Variants in STRN3 observed in about 807,000 individuals in gnomAD.
STRN3 encodes striatin-3.
STRN3 carries 29 observed loss-of-function variants against 95.6 expected under a neutral mutation model. The observed-to-expected ratio is 0.30, with a 90% CI of 0.23 to 0.41. STRN3 has a LOEUF of 0.41. STRN3 is among the 10% of genes least tolerant of loss of function. The pLI is 1.00. For synonymous variants in STRN3, 331 were observed against 357.6 expected, an observed-to-expected ratio of 0.93 and a Z score of 0.84; for missense variants, 890 against 972.1, an observed-to-expected ratio of 0.92 and a Z score of 1.12.
chr14:30,976,917 C>A (rs1881132524), intron 1 of STRN3, among the ~76,000 whole-genome samples: 2 of 152,080 alleles, frequency 1.3e-5, no homozygotes, highest in South Asian at 4.1e-4. Context: ...TGGTGAAACC[C>A]CATCTCTACT....
At chr14:30,999,251 T>C (rs1351404714) in intron 1 of STRN3, among the ~76,000 whole-genome samples, 1 of 152,150 alleles carries the variant, frequency 6.6e-6, no homozygotes, top group African/African-American at 2.4e-5. Flanking sequence ...TCTCACTATG[T>C]TGCTCAGGTT....
chr14:31,021,587 G>C (rs1334306330), intron 1 of STRN3, among the ~76,000 whole-genome samples: 3 of 152,084 alleles, frequency 2.0e-5, no homozygotes, highest in Non-Finnish European at 2.9e-5. Context: ...ACATAAAATA[G>C]AACCAGAACC....
chr14:30,950,589 G>A (rs1879589120), intron 4 of STRN3, among the ~76,000 whole-genome samples: 1 of 152,130 alleles, frequency 6.6e-6, no homozygotes, highest in Non-Finnish European at 1.5e-5. Flanking sequence ...AAGGAATGGA[G>A]GGCTCTATCA....
Position 30,936,576 on chromosome 14 carries a change from A to G in STRN3, c.765T>C (p.Asp255=). ...LETFNFLENA[D]DSDEDEENDM... is the part of the protein sequence containing the mutation. ...CATTTTCCTCATCTTCATCACTGTC[A>G]TCGGCATTTTCTAAGAAATTGAACG... The change falls in exon 6 of 18, where the codon GAT becomes GAC. Residue 255 remains aspartate (D), a synonymous_variant. Coordinates refer to ENST00000357479, the MANE Select transcript of STRN3 (RefSeq NM_001083893.2). 1 of 1,613,816 alleles carries G rather than the reference A, an allele frequency of 6.2e-7. No individual in the cohort carries two copies. The highest frequency in any genetic ancestry group is 1.1e-5 in the South Asian group (1 of 91,068).
rs766698200 is a variant in STRN3 at position 30,912,185 on chromosome 14, A to G, written c.1375-3T>C. On this transcript the variant is annotated splice_region_variant and splice_polypyrimidine_tract_variant and intron_variant, in intron 10 of 17. Coordinates refer to ENST00000357479, the MANE Select transcript of STRN3 (RefSeq NM_001083893.2). Reference sequence around the variant, plus strand: ...AAGGCATCTTTATTAGCAGGCAACTAAAAGGAAAGAGCACAATATTTAGTG... The same window carrying G: ...AAGGCATCTTTATTAGCAGGCAACTGAAAGGAAAGAGCACAATATTTAGTG... 6.2e-7 allele frequency: 1 copy of G among 1,610,688 alleles called. No individual in the cohort carries two copies. The highest frequency in any genetic ancestry group is 2.2e-5 in the East Asian group (1 of 44,854).
At chr14:30,919,482 A>G (rs146166724) in intron 8 of STRN3, among the ~76,000 whole-genome samples, 78 of 152,168 alleles carry the variant, frequency 5.1e-4, no homozygotes, top group Non-Finnish European at 1.0e-3. Context: ...TAAGGTTAAC[A>G]TTTACCAGTG....
chr14:31,008,988 G>C (rs1399675777), intron 1 of STRN3, among the ~76,000 whole-genome samples: 1 of 151,678 alleles, frequency 6.6e-6, no homozygotes. Context: ...GCAATGAGCC[G>C]TGATTGTACC....
At chr14:31,009,005 C>A (rs1882842839) in intron 1 of STRN3, among the ~76,000 whole-genome samples, 1 of 151,740 alleles carries the variant, frequency 6.6e-6, no homozygotes, top group South Asian at 2.1e-4. Flanking sequence ...TACCACTGCA[C>A]TCCAGCCTGG....
At chr14:31,008,725 C>T (rs758913374) in intron 1 of STRN3, among the ~76,000 whole-genome samples, 9 of 151,974 alleles carry the variant, frequency 5.9e-5, no homozygotes, top group Non-Finnish European at 1.0e-4. Context: ...GTAGTATTTG[C>T]GTACATATTC....
intron 5 of STRN3, among the ~76,000 whole-genome samples, chr14:30,942,680 C>A (rs984364148): frequency 1.3e-5 from 2 of 152,094 alleles, no homozygotes; most frequent in African/African-American, 4.8e-5. Flanking sequence ...AAAGTAGATG[C>A]TTTGTGATAT....
intron 1 of STRN3, chr14:31,025,682 C>T (rs540507486): frequency 8.6e-6 from 6 of 699,636 alleles, no homozygotes; most frequent in African/African-American, 7.4e-5. Flanking sequence ...CGAGGAGGCC[C>T]GCACCGCGTA....
intron 5 of STRN3, among the ~76,000 whole-genome samples, chr14:30,946,117 T>C (rs183636666): frequency 6.6e-6 from 1 of 152,222 alleles, no homozygotes; most frequent in East Asian, 1.9e-4. Context: ...CTAGTGAGAG[T>C]AGCATTATAA....
At chr14:31,000,896 A>G (rs888237710) in intron 1 of STRN3, among the ~76,000 whole-genome samples, 7 of 152,162 alleles carry the variant, frequency 4.6e-5, no homozygotes, top group Non-Finnish European at 1.5e-5. Context: ...AATGTTTCTC[A>G]TATTAACAGC....
In STRN3 at chr14:30,910,949, T is replaced by C. The variant is rs949346377; in HGVS notation, c.1720+92A>G. 5.1e-5 allele frequency: 72 copies of C among 1,405,516 alleles called. No individual in the cohort carries two copies. In the Admixed American group the frequency reaches 1.5e-3, roughly 30 times the overall value. 87.1% of individuals were successfully genotyped at this position (1,405,516 alleles called of 1,614,324 possible). A position where few individuals can be genotyped will look rare whatever the true frequency, so the allele number is the denominator to read the frequency against. On this transcript the variant is annotated intron_variant, in intron 13 of 17. Coordinates refer to ENST00000357479, the MANE Select transcript of STRN3 (RefSeq NM_001083893.2). Reference sequence around the variant, plus strand: ...GAAGAACTAAATGAGGTGACTAATATAGGTTTAAATAACCTTGTAATCATA... The same window carrying C: ...GAAGAACTAAATGAGGTGACTAATACAGGTTTAAATAACCTTGTAATCATA...
intron 1 of STRN3, among the ~76,000 whole-genome samples, chr14:30,969,183 C>T (rs1326294472): frequency 1.3e-5 from 2 of 152,170 alleles, no homozygotes; most frequent in African/African-American, 4.8e-5. Context: ...CGCCTGTAAT[C>T]CCAGCACTTT....
intron 13 of STRN3, among the ~76,000 whole-genome samples, chr14:30,909,001 T>C (rs554992902): frequency 6.6e-6 from 1 of 152,356 alleles, no homozygotes; most frequent in South Asian, 2.1e-4. Flanking sequence ...TCCTCACACC[T>C]GTTCTGTCCT....
chr14:30,929,967 A>AAACAAAAAAAAAAAAAAC (rs1555317340), intron 7 of STRN3, among the ~76,000 whole-genome samples: 2 of 91,122 alleles, frequency 2.2e-5, no homozygotes, highest in African/African-American at 3.8e-5. Flanking sequence ...AAAAAAAAAA[A>AAACAAAAAAAAAAAAAAC]AAAAAAAAAA....
Position 30,896,267 on chromosome 14 carries a change from T to C in STRN3, c.2138-519A>G, listed in dbSNP as rs562626662. ...AAAAGACATCTGTGTAACATGTATC[T>C]GACAATATCTGATAGACACTGTAAA... On this transcript the variant is annotated intron_variant, in intron 16 of 17. Coordinates refer to ENST00000357479, the MANE Select transcript of STRN3 (RefSeq NM_001083893.2). Among the ~76,000 whole-genome samples, 8 of 152,352 alleles carry C rather than the reference T, an allele frequency of 5.3e-5. 1 individual carries two copies. In the East Asian group the frequency reaches 1.5e-3, roughly 29 times the overall value.
rs140073002 is a variant in STRN3, at chr14:30,905,883, C to T, written c.1889-325G>A. 3.5e-3 allele frequency among the ~76,000 whole-genome samples: 535 copies of T among 152,232 alleles called. 3 individuals carry two copies. The highest frequency in any genetic ancestry group is 0.012 in the African/African-American group (505 of 41,558). On this transcript the variant is annotated intron_variant, in intron 14 of 17. Transcript: ENST00000357479. ...TTAAATAAAATCCTAGTCTTTTGGC[C>T]AATTTGCCAATTATACTTCTTACTG...
Sources: gnomAD v4.1 joint callset for allele counts (sites outside exome capture counted in the v4.1 genomes callset) on GRCh38, gnomAD v4.1.1 for gene constraint, MANE v1.5 for transcripts, NCBI Gene and HGNC (gene_info 2026-07-23, HGNC 2026-07-21) for gene names.